The following RNLS variants were observed in gnomAD, a reference collection of about 807,000 sequenced individuals.
RNLS encodes renalase, FAD dependent amine oxidase, also known as renalase.
Under a neutral mutation model 39.8 loss-of-function variants are expected in RNLS, and 39 were observed. The ratio of observed to expected loss-of-function variants is 0.98; its 90% CI spans 0.76 to 1.28. The LOEUF (loss-of-function observed/expected upper bound fraction) is 1.28. Among genes scored for constraint, RNLS ranks in the 50% most tolerant of loss-of-function variants. The pLI, the probability that RNLS is intolerant of heterozygous loss-of-function variation, is 0.00. For synonymous variants in RNLS, 147 were observed against 150.7 expected (o/e 0.98, Z 0.18); for missense variants, 410 against 413.3 (o/e 0.99, Z 0.07).
At chr10:88,529,882 C>A (rs1299829115) in intron 4 of RNLS, among the ~76,000 whole-genome samples, 1 of 152,178 alleles carries the variant, frequency 6.6e-6, no homozygotes, top group Non-Finnish European at 1.5e-5. Flanking sequence ...TGTTTCTTCT[C>A]CCTCTCCCAC....
intron 5 of RNLS, among the ~76,000 whole-genome samples, chr10:88,336,124 C>T (rs1447169205): frequency 6.6e-6 from 1 of 152,190 alleles, no homozygotes; most frequent in Non-Finnish European, 1.5e-5. Context: ...GCATTGAATG[C>T]ACACAGCAGA....
At chr10:88,489,493 A>ATAC (rs1844762016) in intron 4 of RNLS, among the ~76,000 whole-genome samples, 2 of 152,238 alleles carry the variant, frequency 1.3e-5, no homozygotes, top group African/African-American at 4.8e-5. Flanking sequence ...GCTGGTATGA[A>ATAC]TACTAGGGCA....
At chr10:88,266,694 TAC>T in the RNLS span, among the ~76,000 whole-genome samples, 13,282 of 133,854 alleles carry the variant, frequency 0.099, 582 homozygotes, top group Middle Eastern at 0.16. Context: ...TTCTTTTAAA[TAC>T]ACACACACAC....
At chr10:88,287,228 G>A (rs1486965585) in intron 6 of RNLS, among the ~76,000 whole-genome samples, 1 of 152,062 alleles carries the variant, frequency 6.6e-6, no homozygotes, top group African/African-American at 2.4e-5. Flanking sequence ...CTGTAGACCT[G>A]TGTCACTGAG....
intron 4 of RNLS, among the ~76,000 whole-genome samples, chr10:88,489,834 A>G (rs773472803): frequency 2.0e-5 from 3 of 152,192 alleles, no homozygotes; most frequent in Non-Finnish European, 4.4e-5. Flanking sequence ...CAAGGCATTC[A>G]GGCTGTAATT....
At chr10:88,577,861 A>G (rs1001277170) in intron 3 of RNLS, among the ~76,000 whole-genome samples, 4 of 152,208 alleles carry the variant, frequency 2.6e-5, no homozygotes, top group African/African-American at 9.6e-5. Context: ...AAATTGGTCT[A>G]GTTAAATATT....
intron 4 of RNLS, among the ~76,000 whole-genome samples, chr10:88,509,929 G>C (rs887521824): frequency 6.6e-6 from 1 of 152,132 alleles, no homozygotes; most frequent in Non-Finnish European, 1.5e-5. Context: ...CTGCCAAGAT[G>C]ACTTATCAAG....
At position 88,284,718 on chromosome 10, in the gene RNLS, T is replaced by C; in HGVS notation, c.*636A>G. The C allele has an allele frequency of 3.0e-6, 3 of 985,392 alleles. No homozygotes were observed. Among genetic ancestry groups the C allele is most frequent in the Middle Eastern group, 5.2e-4 (1 of 1,914 alleles). The allele number at this position is 985,392 out of a possible 1,614,324, so 61.0% of individuals were successfully genotyped here. On this transcript the variant is annotated 3_prime_UTR_variant, in exon 7 of 7. Coordinates refer to ENST00000331772, the MANE Select transcript of RNLS (RefSeq NM_001031709.3). Reference sequence around the variant, plus strand: ...TTTGTTTGAAAGTTAAAAAGTACTGTGTGGCTGGGAAAATCATGTGGAATC... The same window carrying C: ...TTTGTTTGAAAGTTAAAAAGTACTGCGTGGCTGGGAAAATCATGTGGAATC...
intron 5 of RNLS, among the ~76,000 whole-genome samples, chr10:88,360,144 C>T (rs547631928): frequency 5.5e-4 from 84 of 152,326 alleles, no homozygotes; most frequent in South Asian, 1.9e-3. Flanking sequence ...TGTGACTCTA[C>T]TTGAAGATAA....
the RNLS span, among the ~76,000 whole-genome samples, chr10:88,224,923 T>G: frequency 1.3e-5 from 2 of 152,218 alleles, no homozygotes; most frequent in Non-Finnish European, 2.9e-5. Context: ...TCACCATTTA[T>G]AGATTAAGAA....
chr10:88,478,474 C>A (rs1275098021), intron 4 of RNLS, among the ~76,000 whole-genome samples: 1 of 152,146 alleles, frequency 6.6e-6, no homozygotes, highest in South Asian at 2.1e-4. Context: ...TACCTATCAT[C>A]TCAAGTTCAA....
intron 4 of RNLS, among the ~76,000 whole-genome samples, chr10:88,390,497 A>C (rs1454826116): frequency 6.6e-6 from 1 of 152,198 alleles, no homozygotes. Flanking sequence ...ACTTCCTGAA[A>C]GGTGGAATGT....
At chr10:88,428,496 A>G (rs976751879) in intron 4 of RNLS, among the ~76,000 whole-genome samples, 2 of 152,020 alleles carry the variant, frequency 1.3e-5, no homozygotes, top group African/African-American at 4.8e-5. Flanking sequence ...ACTGAGACTG[A>G]TAAGACTGTC....
chr10:88,407,466 A>C (rs1853355219), intron 4 of RNLS, among the ~76,000 whole-genome samples: 1 of 152,024 alleles, frequency 6.6e-6, no homozygotes, highest in South Asian at 2.1e-4. Flanking sequence ...GAAATTTAAT[A>C]AATTAAATTA....
chr10:88,399,827 A>C (rs1852803303), intron 4 of RNLS, among the ~76,000 whole-genome samples: 1 of 151,948 alleles, frequency 6.6e-6, no homozygotes, highest in African/African-American at 2.4e-5. Context: ...AAACAACAGA[A>C]ATTTATTTTC....
intron 4 of RNLS, among the ~76,000 whole-genome samples, chr10:88,496,067 G>A (rs777676002): frequency 6.6e-6 from 1 of 152,102 alleles, no homozygotes; most frequent in South Asian, 2.1e-4. Flanking sequence ...GAAGGCAAAG[G>A]GGACAGAAGG....
intron 4 of RNLS, among the ~76,000 whole-genome samples, chr10:88,486,372 G>A (rs879163108): frequency 6.6e-6 from 1 of 152,022 alleles, no homozygotes; most frequent in Non-Finnish European, 1.5e-5. Flanking sequence ...TGACAAATGA[G>A]ATCTAATTAA....
chr10:88,325,937 G>A (rs943012518), intron 5 of RNLS, among the ~76,000 whole-genome samples: 4 of 152,046 alleles, frequency 2.6e-5, no homozygotes, highest in South Asian at 2.1e-4. Context: ...TCCCCACTTC[G>A]CTCCTCACTC....
the RNLS span, among the ~76,000 whole-genome samples, chr10:88,258,627 C>T: frequency 6.6e-6 from 1 of 152,180 alleles, no homozygotes; most frequent in Admixed American, 6.5e-5. Context: ...ACAAACATTC[C>T]TTCTTCTCTT....
Sources: gnomAD v4.1 joint callset for allele counts (sites outside exome capture counted in the v4.1 genomes callset) on GRCh38, gnomAD v4.1.1 for gene constraint, MANE v1.5 for transcripts, NCBI Gene and HGNC (gene_info 2026-07-23, HGNC 2026-07-21) for gene names.